DHTKD1: variants seen among roughly 807,000 people sequenced by gnomAD.
The protein encoded by DHTKD1 is dehydrogenase E1 and transketolase domain containing 1, also known as 2-oxoadipate dehydrogenase complex component E1.
DHTKD1 carries 78 observed loss-of-function variants against 101.8 expected under a neutral mutation model. That is an observed-to-expected ratio of 0.77 (90% CI 0.64 to 0.93). The LOEUF is 0.93. DHTKD1 is among the 40% of genes least tolerant of loss of function. DHTKD1 has a pLI of 0.00. For synonymous variants in DHTKD1, 462 were observed against 450.3 expected (o/e 1.03, Z -0.33); for missense variants, 1,223 against 1,161.7 (o/e 1.05, Z -0.77).
chr10:12,098,988 T>C (rs770721875), intron 8 of DHTKD1, among the ~76,000 whole-genome samples: 6 of 152,068 alleles, frequency 3.9e-5, no homozygotes, highest in African/African-American at 9.7e-5. Context: ...CTGGGCAACA[T>C]AGTGGACCTT....
chr10:12,093,922 G>C, intron 6 of DHTKD1, 151 bp from the exon 7 acceptor site: 1 of 675,124 alleles, frequency 1.5e-6, no homozygotes, highest in South Asian at 1.8e-5. Context: ...GTTGGAACTT[G>C]CCAGCTGGTC....
chr10:12,115,774 T>C (rs1470310232), intron 13 of DHTKD1, among the ~76,000 whole-genome samples: 1 of 151,846 alleles, frequency 6.6e-6, no homozygotes, highest in Admixed American at 6.6e-5. Context: ...CTTTTTTTTC[T>C]TTTTTTTGTT....
intron 7 of DHTKD1, among the ~76,000 whole-genome samples, chr10:12,095,060 C>CT (rs1169157969): frequency 1.3e-5 from 2 of 152,242 alleles, no homozygotes; most frequent in African/African-American, 4.8e-5. Context: ...AATCTATTTA[C>CT]TGCAGTGTCG....
At chr10:12,076,165 C>T (rs866710310) in intron 1 of DHTKD1, among the ~76,000 whole-genome samples, 1 of 152,302 alleles carries the variant, frequency 6.6e-6, no homozygotes, top group Middle Eastern at 3.4e-3. Flanking sequence ...GCAGCAAGTC[C>T]GCTAAATGGC....
At chr10:12,078,379 C>A (rs1018658879) in intron 1 of DHTKD1, among the ~76,000 whole-genome samples, 1 of 151,822 alleles carries the variant, frequency 6.6e-6, no homozygotes, top group African/African-American at 2.4e-5. Flanking sequence ...GAGCCATGAT[C>A]GTGCCGCTGC....
In DHTKD1 at chr10:12,106,382, C is replaced by T; in HGVS notation, c.2033C>T (p.Thr678Ile). 6.2e-7 allele frequency: 1 copy of T among 1,614,220 alleles called. No homozygotes were observed. ...FFNGAQIIFD[T>I]FISGGEAKWL... is the part of the protein sequence containing the mutation. Reference sequence around the variant, plus strand: ...AATGGTGCCCAGATCATCTTTGACACATTCATCTCTGGAGGTTGGTGTCAG... The same window carrying T: ...AATGGTGCCCAGATCATCTTTGACATATTCATCTCTGGAGGTTGGTGTCAG... Residue 678 changes from threonine to isoleucine, a missense_variant, in exon 11 of 17, where the codon ACA (threonine) becomes ATA (isoleucine). By Grantham distance (89) the Thr-to-Ile change is moderately conservative. Coordinates refer to ENST00000263035, the MANE Select transcript of DHTKD1 (RefSeq NM_018706.7).
At chr10:12,097,377 A>G (rs960059555) in intron 7 of DHTKD1, among the ~76,000 whole-genome samples, 1 of 152,034 alleles carries the variant, frequency 6.6e-6, no homozygotes, top group Admixed American at 6.6e-5. Context: ...GGTTCAAGCA[A>G]TTCTCCTGCC....
chr10:12,090,422 TTCC>T (rs57211373), intron 5 of DHTKD1, among the ~76,000 whole-genome samples: 3,583 of 39,332 alleles, frequency 0.091, 123 homozygotes, highest in African/African-American at 0.17. Flanking sequence ...CCTTCCTTCC[TTCC>T]TTTTTCCTTC....
intron 7 of DHTKD1, 51 bp downstream of exon 7, chr10:12,094,322 A>G (rs764585469): frequency 3.3e-6 from 5 of 1,508,660 alleles, no homozygotes; most frequent in East Asian, 2.3e-5. Context: ...TAAAATTACT[A>G]TTATTATTCT....
Position 12,103,050 on chromosome 10 carries a change from C to G in DHTKD1, c.1896+1869C>G, listed in dbSNP as rs1286583002. 6.6e-6 allele frequency among the ~76,000 whole-genome samples: 1 copy of G among 152,198 alleles called. No homozygotes were observed. The highest frequency in any genetic ancestry group is 1.5e-5 in the Non-Finnish European group (1 of 68,036). ...CTGGCCTGGCCAACATGGCGAAACC[C>G]TGTCTCTACTAAAAATACAAAAATT... is the stretch of plus-strand genomic sequence containing the variant. On this transcript the variant is annotated intron_variant, in intron 10 of 16. Coordinates refer to ENST00000263035, the MANE Select transcript of DHTKD1 (RefSeq NM_018706.7). The surrounding 1 kb of genome is among the most constrained non-coding windows in gnomAD (Gnocchi z 4.8).
intron 8 of DHTKD1, among the ~76,000 whole-genome samples, chr10:12,099,434 C>A (rs147359894): frequency 6.6e-6 from 1 of 152,220 alleles, no homozygotes; most frequent in East Asian, 1.9e-4. Flanking sequence ...CTCCTGTAAT[C>A]TGAGAACTTT....
rs2131360775 is a variant in DHTKD1 at position 12,091,695 on chromosome 10, C to G, written c.1159+11C>G. On this transcript the variant is annotated intron_variant, in intron 6 of 16. Transcript: ENST00000263035. ...ACTGCAGTGATATTGGTACGTAACA[C>G]AGGGAGGAACTGATATTGCTGAAGC... 2 of 1,611,214 alleles carry G rather than the reference C, an allele frequency of 1.2e-6. No individual in the cohort carries two copies. The highest frequency in any genetic ancestry group is 1.1e-5 in the South Asian group (1 of 90,578).
intron 1 of DHTKD1, among the ~76,000 whole-genome samples, chr10:12,074,580 G>A (rs192844239): frequency 1.4e-3 from 209 of 151,202 alleles, no homozygotes; most frequent in African/African-American, 4.9e-3. Context: ...GGATGGTTTC[G>A]ATCTCTTGAC....
At chr10:12,101,729 G>A (rs1033250659) in intron 10 of DHTKD1, among the ~76,000 whole-genome samples, 3 of 151,996 alleles carry the variant, frequency 2.0e-5, no homozygotes, top group African/African-American at 7.3e-5. Flanking sequence ...TCAGCCTCCC[G>A]AGTAGCTGGG....
At chr10:12,094,383 T>C in intron 7 of DHTKD1, 112 bp downstream of exon 7, 1 of 962,194 alleles carries the variant, frequency 1.0e-6, no homozygotes, top group Non-Finnish European at 1.6e-6. Flanking sequence ...AGTAGCACGA[T>C]CTTGGCTCAC....
chr10:12,112,570 C>T (rs182688539), intron 12 of DHTKD1, among the ~76,000 whole-genome samples: 2 of 152,108 alleles, frequency 1.3e-5, no homozygotes, highest in Admixed American at 1.3e-4. Context: ...TCTGATAGTG[C>T]TTCCTTCCCC....
chr10:12,106,638 T>C (rs1722460), intron 11 of DHTKD1, among the ~76,000 whole-genome samples: 148,642 of 152,244 alleles, frequency 0.98, 72,680 homozygotes, highest in Middle Eastern at 1. Flanking sequence ...GCACCTGTGC[T>C]CAGGGGTCAG....
At chr10:12,115,494 A>G (rs1833401856) in intron 13 of DHTKD1, among the ~76,000 whole-genome samples, 1 of 152,136 alleles carries the variant, frequency 6.6e-6, no homozygotes, top group Non-Finnish European at 1.5e-5. Context: ...TGCCTCCTTA[A>G]ACTTTTTGCA....
At chr10:12,086,929 C>T (rs1251198238) in intron 3 of DHTKD1, among the ~76,000 whole-genome samples, 1 of 152,108 alleles carries the variant, frequency 6.6e-6, no homozygotes, top group Admixed American at 6.6e-5. Context: ...TCAAGTGATC[C>T]ACCTGCCTTG....
Sources: gnomAD v4.1 joint callset for allele counts (sites outside exome capture counted in the v4.1 genomes callset) on GRCh38, gnomAD v4.1.1 for gene constraint, Gnocchi (gnomAD v3.1) non-coding constraint, MANE v1.5 for transcripts, NCBI Gene and HGNC (gene_info 2026-07-23, HGNC 2026-07-21) for gene names.